CDK6: variants seen among roughly 807,000 people sequenced by gnomAD.
CDK6 encodes the protein cyclin dependent kinase 6, also known as cyclin-dependent kinase 6.
In CDK6, 6 loss-of-function variants were observed where a neutral mutation model predicts 37.1. The observed-to-expected ratio is 0.16, with a 90% CI of 0.09 to 0.32. The LOEUF (loss-of-function observed/expected upper bound fraction) is 0.32, where lower values mean the gene tolerates loss of function less well. Ranked by LOEUF, CDK6 falls within the 10% of genes least tolerant of loss-of-function variation. The pLI, the probability that CDK6 is intolerant of heterozygous loss-of-function variation, is 1.00. For synonymous variants in CDK6, 160 were observed against 161.3 expected, an observed-to-expected ratio of 0.99 and a Z score of 0.06; for missense variants, 224 against 418.9, an observed-to-expected ratio of 0.53 and a Z score of 4.06.
Position 92,795,064 on chromosome 7 carries a change from T to G in CDK6, c.234-20233A>C, listed in dbSNP as rs961024824. Among the ~76,000 whole-genome samples, 5 of 152,146 alleles carry G rather than the reference T, an allele frequency of 3.3e-5. No individual in the cohort carries two copies. In the South Asian group the frequency reaches 1.0e-3, roughly 32 times the overall value. On this transcript the variant is annotated intron_variant, in intron 2 of 7. Coordinates refer to ENST00000424848, the MANE Select transcript of CDK6 (RefSeq NM_001145306.2). The stretch of plus-strand genomic sequence containing the variant: ...GGAGTGTTTTCATTTTCTCTTTGTC[T>G]CATTATTTTCAAGTCACATGGGATA...
intron 5 of CDK6, among the ~76,000 whole-genome samples, chr7:92,636,970 T>C (rs1032691244): frequency 2.0e-5 from 3 of 152,224 alleles, no homozygotes; most frequent in Admixed American, 2.0e-4. Flanking sequence ...CCAGCCCGAT[T>C]GTATTTTCCT....
intron 2 of CDK6, among the ~76,000 whole-genome samples, chr7:92,797,429 A>T (rs1012605807): frequency 6.6e-6 from 1 of 152,180 alleles, no homozygotes; most frequent in Non-Finnish European, 1.5e-5. Flanking sequence ...TGAGGTCGGG[A>T]TGAGTCTGTC....
chr7:92,691,441 T>C (rs1260566726), intron 4 of CDK6, among the ~76,000 whole-genome samples: 1 of 152,228 alleles, frequency 6.6e-6, no homozygotes, highest in Non-Finnish European at 1.5e-5. Context: ...TGAGCACCTA[T>C]TACATATTGT....
intron 5 of CDK6, among the ~76,000 whole-genome samples, chr7:92,638,855 C>T (rs1796237179): frequency 6.6e-6 from 1 of 152,170 alleles, no homozygotes; most frequent in Non-Finnish European, 1.5e-5. Flanking sequence ...ACCACCATAT[C>T]TCATCAGATC....
intron 4 of CDK6, among the ~76,000 whole-genome samples, chr7:92,688,443 TGA>T (rs1407487354): frequency 2.6e-5 from 4 of 152,148 alleles, no homozygotes; most frequent in African/African-American, 9.7e-5. Flanking sequence ...AACTACTGTG[TGA>T]CTCAGTAGTT....
intron 5 of CDK6, among the ~76,000 whole-genome samples, chr7:92,652,812 T>C (rs1335674350): frequency 1.3e-5 from 2 of 152,240 alleles, no homozygotes; most frequent in African/African-American, 4.8e-5. Flanking sequence ...AGTCCTTTCA[T>C]AGTATGGCAT....
At chr7:92,707,854 G>A (rs770816139) in intron 4 of CDK6, among the ~76,000 whole-genome samples, 14 of 152,162 alleles carry the variant, frequency 9.2e-5, no homozygotes, top group Non-Finnish European at 1.5e-4. Context: ...ATTCTCTTAA[G>A]AGAAACAGCC....
chr7:92,823,870 T>C (rs2115993279), intron 2 of CDK6, among the ~76,000 whole-genome samples: 1 of 152,150 alleles, frequency 6.6e-6, no homozygotes, highest in Non-Finnish European at 1.5e-5. Flanking sequence ...TCTCCCTATG[T>C]TGCCCAGTCT....
At position 92,609,084 on chromosome 7, in the gene CDK6, A is replaced by T. The variant is rs1795503608; in HGVS notation, c.*6056T>A. The T allele has an allele frequency of 4.3e-6, 1 of 232,994 alleles. No homozygotes were observed. The highest frequency in any genetic ancestry group is 8.5e-6 in the Non-Finnish European group (1 of 118,012). 14.4% of individuals were successfully genotyped at this position (232,994 alleles called of 1,614,324 possible). A position where few individuals can be genotyped will look rare whatever the true frequency, so the allele number is the denominator to read the frequency against. The stretch of plus-strand genomic sequence containing the variant: ...TCTCAGCCAGTTTCTGACTGCCCCT[A>T]GTGTATGTGGCATTTTGGTTCAGTA... On this transcript the variant is annotated 3_prime_UTR_variant, in exon 8 of 8. Transcript: ENST00000424848.
intron 5 of CDK6, among the ~76,000 whole-genome samples, chr7:92,643,626 T>A (rs1427773515): frequency 6.6e-6 from 1 of 152,228 alleles, no homozygotes; most frequent in Non-Finnish European, 1.5e-5. Flanking sequence ...GTCTATTCAC[T>A]TTCTTTTCAT....
intron 2 of CDK6, among the ~76,000 whole-genome samples, chr7:92,789,744 A>G (rs1800236691): frequency 6.6e-6 from 1 of 152,180 alleles, no homozygotes; most frequent in African/African-American, 2.4e-5. Flanking sequence ...ATATATGGAA[A>G]CTTATTGAAT....
At chr7:92,734,064 C>T (rs1342625441) in intron 3 of CDK6, among the ~76,000 whole-genome samples, 2 of 152,116 alleles carry the variant, frequency 1.3e-5, no homozygotes, top group African/African-American at 4.8e-5. Flanking sequence ...AGTGCCCACA[C>T]CTTCCAAAAA....
At chr7:92,763,632 A>G (rs1051348375) in intron 3 of CDK6, among the ~76,000 whole-genome samples, 3 of 152,228 alleles carry the variant, frequency 2.0e-5, no homozygotes, top group Non-Finnish European at 4.4e-5. Flanking sequence ...CAAATTTCCT[A>G]CATATCAATG....
At position 92,606,270 on chromosome 7, in the gene CDK6, T is replaced by C; in HGVS notation, c.*8870A>G. The stretch of plus-strand genomic sequence containing the variant: ...GACTTGGTTTAAAAATCAAGATGCA[T>C]ACAAAGATGCTAGAGGCATTTCTAA... On this transcript the variant is annotated 3_prime_UTR_variant, in exon 8 of 8. Transcript: ENST00000424848. 1 of 233,412 alleles carries C rather than the reference T, an allele frequency of 4.3e-6. No homozygotes were observed. Among genetic ancestry groups the C allele is most frequent in the East Asian group, 6.0e-5 (1 of 16,554 alleles). The allele number at this position is 233,412 out of a possible 1,614,324, so 14.5% of individuals were successfully genotyped here. A position where few individuals can be genotyped will look rare whatever the true frequency, so the allele number is the denominator to read the frequency against.
intron 5 of CDK6, among the ~76,000 whole-genome samples, chr7:92,630,872 G>C (rs983202233): frequency 5.3e-5 from 8 of 152,276 alleles, no homozygotes; most frequent in African/African-American, 4.8e-5. Flanking sequence ...AGACAGAATA[G>C]ATGATTAGAG....
chr7:92,625,785 T>C (rs766328282), intron 5 of CDK6, among the ~76,000 whole-genome samples: 2 of 152,116 alleles, frequency 1.3e-5, no homozygotes, highest in African/African-American at 4.8e-5. Flanking sequence ...ATGTCTGTTA[T>C]AGAAAGGAAA....
intron 2 of CDK6, among the ~76,000 whole-genome samples, chr7:92,793,262 T>G (rs1800326369): frequency 6.6e-6 from 1 of 152,056 alleles, no homozygotes; most frequent in African/African-American, 2.4e-5. Context: ...CTAGACTTCA[T>G]ATGATAATGC....
intron 5 of CDK6, among the ~76,000 whole-genome samples, chr7:92,645,040 C>T (rs77183195): frequency 3.3e-5 from 5 of 152,150 alleles, no homozygotes; most frequent in African/African-American, 7.2e-5. Context: ...GCATGGAAAG[C>T]AAATTGTTCA....
chr7:92,789,596 T>C (rs1800231780), intron 2 of CDK6, among the ~76,000 whole-genome samples: 1 of 152,170 alleles, frequency 6.6e-6, no homozygotes, highest in Non-Finnish European at 1.5e-5. Flanking sequence ...TGTTATAAGT[T>C]GAAGATGTTA....
Sources: gnomAD v4.1 joint callset for allele counts (sites outside exome capture counted in the v4.1 genomes callset) on GRCh38, gnomAD v4.1.1 for gene constraint, MANE v1.5 for transcripts, NCBI Gene and HGNC (gene_info 2026-07-23, HGNC 2026-07-21) for gene names.